INTU: variants seen among roughly 807,000 people sequenced by gnomAD.
INTU encodes the protein inturned planar cell polarity protein.
A neutral mutation model predicts 100.5 loss-of-function variants in INTU; 68 were observed. The ratio of observed to expected loss-of-function variants is 0.68; its 90% confidence interval spans 0.56 to 0.83. The LOEUF (loss-of-function observed/expected upper bound fraction) is 0.83, where lower values mean the gene tolerates loss of function less well. INTU is among the 40% of genes least tolerant of loss of function. INTU has a pLI of 0.00. For synonymous variants in INTU, 357 were observed against 395.7 expected (o/e 0.90, Z 1.16); for missense variants, 1,071 against 1,114.7 (o/e 0.96, Z 0.56).
Position 127,693,379 on chromosome 4 carries a change from C to T in INTU, c.1449+5512C>T, listed in dbSNP as rs1360531340. 2.1e-4 allele frequency among the ~76,000 whole-genome samples: 32 copies of T among 151,944 alleles called. No homozygotes were observed. The East Asian group carries it at 6.2e-3, about 29-fold the overall frequency. Reference sequence around the variant, plus strand: ...TCTTGATTTGATTCTCAGTTGGTAACTTTTGGTGTACAGCAGAGCTACTGA... The same window carrying T: ...TCTTGATTTGATTCTCAGTTGGTAATTTTTGGTGTACAGCAGAGCTACTGA... On this transcript the variant is annotated intron_variant, in intron 8 of 15. Coordinates refer to ENST00000335251, the MANE Select transcript of INTU (RefSeq NM_015693.4).
rs1432727519 is a variant in INTU at position 127,684,473 on chromosome 4, G to A, written c.1246G>A (p.Gly416Ser). 2.6e-6 allele frequency: 4 copies of A among 1,562,774 alleles called. No individual in the cohort carries two copies. The highest frequency in any genetic ancestry group is 3.5e-6 in the Non-Finnish European group (4 of 1,139,536). The stretch of plus-strand genomic sequence containing the variant: ...CATCCAAACCTTAAAATTTATGTAT[G>A]GTTCTTTAGATAGGTAAGTACTTCT... ...NVIQTLKFMYGSLDSAFCQIE... is the reference protein window; with the variant it reads ...NVIQTLKFMYSSLDSAFCQIE... The change falls in exon 7 of 16, where the codon GGT becomes AGT. Residue 416 changes from glycine (G) to serine (S), a missense_variant. Transcript: ENST00000335251.
At chr4:127,678,776 T>A (rs546843920) in intron 6 of INTU, among the ~76,000 whole-genome samples, 2 of 152,312 alleles carry the variant, frequency 1.3e-5, no homozygotes, top group East Asian at 3.9e-4. Context: ...GTAAATGCAC[T>A]AAATGCTCCA....
rs79995396 is a variant in INTU at position 127,675,896 on chromosome 4, G to A, written c.1181+1683G>A. On this transcript the variant is annotated intron_variant, in intron 6 of 15. Transcript: ENST00000335251. ...CAATATTTCTAATTTCCACCATTCTGTTTGTTAGAATTGAGTTACCAAGCT... is the reference window on the plus strand; with the variant it reads ...CAATATTTCTAATTTCCACCATTCTATTTGTTAGAATTGAGTTACCAAGCT... 1.1e-3 allele frequency: 341 copies of A among 318,056 alleles called. 3 individuals carry two copies. In the East Asian group the frequency reaches 0.029, roughly 27 times the overall value. The allele number at this position is 318,056 out of a possible 1,614,324, so 19.7% of individuals were successfully genotyped here.
chr4:127,669,519 T>C (rs761755800), intron 5 of INTU, among the ~76,000 whole-genome samples: 1 of 151,870 alleles, frequency 6.6e-6, no homozygotes, highest in Non-Finnish European at 1.5e-5. Flanking sequence ...TTATTATGAA[T>C]CTCAGCTTTT....
intron 8 of INTU, 29 bp from the exon 9 acceptor site, chr4:127,699,981 A>T: frequency 6.6e-7 from 1 of 1,523,064 alleles, no homozygotes; most frequent in Non-Finnish European, 8.9e-7. Context: ...TCAAATGTTT[A>T]TGTTACTCTT....
intron 2 of INTU, among the ~76,000 whole-genome samples, chr4:127,651,269 T>C (rs1176767188): frequency 5.3e-5 from 8 of 152,176 alleles, no homozygotes; most frequent in Admixed American, 1.3e-4. Flanking sequence ...TTGCTTTTGG[T>C]GTTTTAGTCA....
intron 4 of INTU, among the ~76,000 whole-genome samples, chr4:127,663,999 A>G (rs540156901): frequency 6.6e-6 from 1 of 152,192 alleles, no homozygotes; most frequent in African/African-American, 2.4e-5. Context: ...CCAGTATCAC[A>G]ATCATGATAT....
chr4:127,709,031 C>T (rs1730994354), intron 13 of INTU, among the ~76,000 whole-genome samples: 1 of 152,136 alleles, frequency 6.6e-6, no homozygotes, highest in Admixed American at 6.6e-5. Flanking sequence ...TCAGGGTATT[C>T]CTTTCCAACA....
chr4:127,668,859 A>AT (rs1451808740), intron 4 of INTU, among the ~76,000 whole-genome samples, 177 bp from the exon 5 acceptor site: 2 of 151,886 alleles, frequency 1.3e-5, no homozygotes, highest in African/African-American at 2.4e-5. Flanking sequence ...AGTCTTTTAC[A>AT]TGCTAGTTAA....
At chr4:127,687,903 G>T in intron 8 of INTU, 36 bp downstream of exon 8, 2 of 1,368,576 alleles carry the variant, frequency 1.5e-6, no homozygotes, top group Non-Finnish European at 9.9e-7. Flanking sequence ...AGCAGAACCA[G>T]GTGCCTTATT....
rs1306633518 is a variant in INTU, at chr4:127,653,907, C to T, written c.683-2729C>T. 9.7e-3 allele frequency among the ~76,000 whole-genome samples: 1,451 copies of T among 149,328 alleles called. 31 individuals are homozygous for T. Among genetic ancestry groups the T allele is most frequent in the African/African-American group, 0.035 (1,348 of 38,908 alleles). On this transcript the variant is annotated intron_variant, in intron 2 of 15. Transcript: ENST00000335251. ...CTTGCTTTATGAATCTGGGTGCTCC[C>T]GTGTTGGGTGCATATATATTTAGGA...
chr4:127,695,822 G>A lies in INTU; in HGVS notation c.1450-4188G>A, dbSNP rs116806283. The stretch of plus-strand genomic sequence containing the variant: ...CTCACCATTAAGTATGAAGTTAGCT[G>A]TAGGTTTTTTGTAGATATTCTTTAT... On this transcript the variant is annotated intron_variant, in intron 8 of 15. Transcript: ENST00000335251. Among the ~76,000 whole-genome samples, 990 of 152,242 alleles carry A rather than the reference G, an allele frequency of 6.5e-3. 8 individuals carry two copies. The highest frequency in any genetic ancestry group is 0.02 in the Middle Eastern group (6 of 294).
intron 4 of INTU, among the ~76,000 whole-genome samples, chr4:127,664,158 T>A (rs1728596627): frequency 6.6e-6 from 1 of 152,102 alleles, no homozygotes; most frequent in Admixed American, 6.6e-5. Flanking sequence ...TATTATTTTT[T>A]AAATTCATTT....
intron 3 of INTU, among the ~76,000 whole-genome samples, chr4:127,658,206 A>G (rs1317114633): frequency 2.0e-5 from 3 of 152,258 alleles, no homozygotes; most frequent in African/African-American, 7.2e-5. Context: ...ATGTGTGCGC[A>G]TGCACACACA....
At chr4:127,647,429 GCATAGCAT>G (rs1727638361) in intron 2 of INTU, among the ~76,000 whole-genome samples, 1 of 152,130 alleles carries the variant, frequency 6.6e-6, no homozygotes, top group South Asian at 2.1e-4. Context: ...AAAGCCAGCA[GCATAGCAT>G]CTTCCAGTCT....
At chr4:127,693,199 A>C (rs971859950) in intron 8 of INTU, among the ~76,000 whole-genome samples, 2 of 152,006 alleles carry the variant, frequency 1.3e-5, no homozygotes, top group Non-Finnish European at 2.9e-5. Context: ...TATTGATTCT[A>C]CCCATCCATG....
chr4:127,662,308 T>A (rs1398894836), intron 3 of INTU, among the ~76,000 whole-genome samples: 20 of 152,192 alleles, frequency 1.3e-4, no homozygotes, highest in Admixed American at 1.3e-3. Flanking sequence ...ATTTTCGTTT[T>A]TGTTGCATTT....
chr4:127,681,855 C>G (rs1325300292), intron 6 of INTU, among the ~76,000 whole-genome samples: 2 of 152,140 alleles, frequency 1.3e-5, no homozygotes, highest in Non-Finnish European at 2.9e-5. Context: ...ACCTACTCAT[C>G]TGACAAAGGG....
At chr4:127,698,132 T>G (rs984185255) in intron 8 of INTU, among the ~76,000 whole-genome samples, 1 of 152,036 alleles carries the variant, frequency 6.6e-6, no homozygotes, top group African/African-American at 2.4e-5. Context: ...AAAAGAAATC[T>G]AGTTAAAAAC....
Sources: allele counts gnomAD v4.1 joint callset (sites outside exome capture counted in the v4.1 genomes callset), GRCh38; gene constraint gnomAD v4.1.1; transcripts MANE v1.5; gene names NCBI Gene and HGNC (gene_info 2026-07-23, HGNC 2026-07-21).